The following RAD50 variants were observed in gnomAD, a reference collection of about 807,000 sequenced individuals.
RAD50 encodes RAD50 double strand break repair protein.
RAD50 carries 132 observed loss-of-function variants against 168.8 expected under a neutral mutation model. The observed-to-expected ratio is 0.78, with a 90% confidence interval of 0.68 to 0.90. The LOEUF (loss-of-function observed/expected upper bound fraction) is 0.90. RAD50 is among the 40% of genes least tolerant of loss of function. The pLI, the probability that RAD50 is intolerant of heterozygous loss-of-function variation, is 0.00. For synonymous variants in RAD50, 525 were observed against 497.4 expected, an observed-to-expected ratio of 1.06 and a Z score of -0.74; for missense variants, 1,347 against 1,534.4, an observed-to-expected ratio of 0.88 and a Z score of 2.04.
intron 21 of RAD50, 49 bp from the exon 22 acceptor site, chr5:132,637,066 A>C: frequency 7.0e-7 from 1 of 1,436,248 alleles, no homozygotes; most frequent in Non-Finnish European, 9.3e-7. Context: ...TTACTATTAC[A>C]CATAATTATT....
chr5:132,596,160 A>G (rs1750789092), intron 13 of RAD50, among the ~76,000 whole-genome samples: 1 of 151,992 alleles, frequency 6.6e-6, no homozygotes, highest in Non-Finnish European at 1.5e-5. Flanking sequence ...CGCCCAGCTA[A>G]TTTTTGTAAT....
chr5:132,562,204 TA>T (rs1379589570), intron 2 of RAD50, among the ~76,000 whole-genome samples: 1 of 152,212 alleles, frequency 6.6e-6, no homozygotes, highest in Non-Finnish European at 1.5e-5. Context: ...CCTTGGATTC[TA>T]GTCTTATTTA....
chr5:132,595,800 G>A lies in RAD50; in HGVS notation c.2197G>A (p.Val733Met), dbSNP rs1315534097. The A allele has an allele frequency of 1.9e-6, 3 of 1,603,656 alleles. No individual in the cohort carries two copies. Among genetic ancestry groups the A allele is most frequent in the African/African-American group, 2.7e-5 (2 of 74,698 alleles). ...EKRRDEMLGL[V>M]PMRQSIIDLK... is the part of the protein sequence containing the mutation. ...GCGGCGTGATGAAATGCTGGGACTT[G>A]TGCCCATGAGGTAAGAATGGGATTT... The change falls in exon 13 of 25, where the codon GTG becomes ATG. Residue 733 changes from valine to methionine, a missense_variant. By Grantham distance (21) the Val-to-Met change is conservative. Around this residue, in one of 3 missense-constraint regions of RAD50, gnomAD observed 635 missense variants for 739.2 expected, o/e 0.86. Coordinates refer to ENST00000378823, the MANE Select transcript of RAD50 (RefSeq NM_005732.4).
At position 132,609,107 on chromosome 5, in the gene RAD50, T is replaced by A. The variant is rs1191642980; in HGVS notation, c.2830-10T>A. 1 of 1,609,996 alleles carries A rather than the reference T, an allele frequency of 6.2e-7. No individual in the cohort carries two copies. Among genetic ancestry groups the A allele is most frequent in the Non-Finnish European group, 8.5e-7 (1 of 1,178,724 alleles). ...CAACCAGTGTAAATTTAATGAATATTTTTCTACAGCTGAATGATATTAAAG... is the reference window on the plus strand; with the variant it reads ...CAACCAGTGTAAATTTAATGAATATATTTCTACAGCTGAATGATATTAAAG... On this transcript the variant is annotated splice_polypyrimidine_tract_variant and intron_variant, in intron 17 of 24. Transcript: ENST00000378823.
intron 2 of RAD50, among the ~76,000 whole-genome samples, chr5:132,561,946 C>T (rs1476851713): frequency 6.6e-6 from 1 of 152,212 alleles, no homozygotes; most frequent in South Asian, 2.1e-4. Context: ...CTATTAGAAT[C>T]GTCTCCTAAC....
intron 2 of RAD50, among the ~76,000 whole-genome samples, chr5:132,562,266 G>C (rs1345915259): frequency 6.6e-6 from 1 of 152,204 alleles, no homozygotes; most frequent in African/African-American, 2.4e-5. Flanking sequence ...GACATGGTCT[G>C]ATTTATCTTT....
Position 132,575,906 on chromosome 5 carries a change from G to T in RAD50, c.343G>T (p.Glu115Ter). The T allele has an allele frequency of 6.2e-7, 1 of 1,610,892 alleles. No individual in the cohort carries two copies. The highest frequency in any genetic ancestry group is 8.5e-7 in the Non-Finnish European group (1 of 1,177,190). The change falls in exon 3 of 25, where the codon GAA becomes TAA. Residue 115 changes from glutamate (E) to a stop codon, truncating the protein, a stop_gained. Transcript: ENST00000378823. LOFTEE classifies it high-confidence loss of function. ...CAAAAAGACAGAATTTAAAACTCTG[G>T]AAGGAGTCATTACTAGAACAAAGTA... ...KSKKTEFKTL[E>*]GVITRTKHGE... is the part of the protein sequence containing the mutation.
intron 13 of RAD50, among the ~76,000 whole-genome samples, chr5:132,598,544 A>G (rs550661645): frequency 6.6e-6 from 1 of 152,336 alleles, no homozygotes; most frequent in Admixed American, 6.5e-5. Flanking sequence ...GACTGGGCTC[A>G]GCTAGGTGGC....
At chr5:132,573,687 C>T (rs905635133) in intron 2 of RAD50, among the ~76,000 whole-genome samples, 1 of 152,214 alleles carries the variant, frequency 6.6e-6, no homozygotes, top group Non-Finnish European at 1.5e-5. Context: ...GTCCCTTCTG[C>T]CTATGCGCCT....
intron 2 of RAD50, among the ~76,000 whole-genome samples, chr5:132,562,878 T>G (rs1750144974): frequency 6.6e-6 from 1 of 152,146 alleles, no homozygotes; most frequent in Non-Finnish European, 1.5e-5. Context: ...AAAGAGCAAT[T>G]CGTTAAGTAA....
chr5:132,632,952 C>T (rs915711161), intron 21 of RAD50, among the ~76,000 whole-genome samples: 6 of 152,224 alleles, frequency 3.9e-5, no homozygotes, highest in South Asian at 2.1e-4. Flanking sequence ...ATTACCTATT[C>T]ATATCTCTTT....
chr5:132,620,121 G>A (rs1751262108), intron 21 of RAD50, among the ~76,000 whole-genome samples: 1 of 151,690 alleles, frequency 6.6e-6, no homozygotes, highest in Non-Finnish European at 1.5e-5. Context: ...TAGCCAGGAT[G>A]GTCTCGATTT....
At chr5:132,634,938 G>A (rs977577667) in intron 21 of RAD50, among the ~76,000 whole-genome samples, 2 of 151,674 alleles carry the variant, frequency 1.3e-5, no homozygotes, top group Non-Finnish European at 2.9e-5. Context: ...ACTAAATTTC[G>A]TTTTATTTAG....
chr5:132,608,539 T>C (rs991551864), intron 16 of RAD50, 76 bp from the exon 17 acceptor site: 47 of 1,305,828 alleles, frequency 3.6e-5, no homozygotes, highest in Non-Finnish European at 4.7e-5. Flanking sequence ...AGTGCTTTTA[T>C]TAAGACTGTG....
At position 132,579,414 on chromosome 5, in the gene RAD50, A is replaced by G. The variant is rs375845724; in HGVS notation, c.463A>G (p.Ile155Val). The change falls in exon 4 of 25, where the codon ATT (isoleucine) becomes GTT (valine). Residue 155 changes from isoleucine (I) to valine (V), a missense_variant. Ile to Val is a conservative substitution (Grantham distance 29). Transcript: ENST00000378823. The stretch of plus-strand genomic sequence containing the variant: ...TTCCAAGGCTGTGCTAAATAATGTC[A>G]TTTTCTGTCATCAAGAAGATTCTAA... Reference protein sequence around the residue: ...GVSKAVLNNVIFCHQEDSNWP... With the variant: ...GVSKAVLNNVVFCHQEDSNWP... 8.1e-6 allele frequency: 13 copies of G among 1,613,688 alleles called. No homozygotes were observed. The highest frequency in any genetic ancestry group is 1.1e-5 in the Non-Finnish European group (13 of 1,179,766).
intron 3 of RAD50, among the ~76,000 whole-genome samples, chr5:132,577,133 A>G (rs140341494): frequency 7.0e-4 from 106 of 152,356 alleles, no homozygotes; most frequent in African/African-American, 2.4e-3. Flanking sequence ...TGGAGGCTCT[A>G]AGGGAGAATA....
chr5:132,621,102 AT>A (rs1422656263), intron 21 of RAD50, among the ~76,000 whole-genome samples: 1 of 152,108 alleles, frequency 6.6e-6, no homozygotes, highest in Non-Finnish European at 1.5e-5. Flanking sequence ...TTACTTTTTA[AT>A]TTTTAAATAC....
At position 132,588,018 on chromosome 5, in the gene RAD50, G is replaced by A. The variant is rs28903091; in HGVS notation, c.980G>A (p.Arg327His). 4,147 of 1,611,958 alleles carry A rather than the reference G, an allele frequency of 2.6e-3. 25 individuals are homozygous for A. Among genetic ancestry groups the A allele is most frequent in the Middle Eastern group, 8.3e-3 (50 of 6,058 alleles). The change falls in exon 7 of 25, where the codon CGT becomes CAT. Residue 327 changes from arginine to histidine, a missense_variant. Physicochemically the swap from Arg to His is conservative, Grantham distance 29. Around this residue, in one of 3 missense-constraint regions of RAD50, gnomAD observed 703 missense variants for 767.7 expected, o/e 0.92. Transcript: ENST00000378823. ...EKERKLVDCH[R>H]ELEKLNKESR... ...GAAAGGAAATTGGTAGACTGTCATC[G>A]TGAACTGGAAAAACTAAATAAAGAA...
chr5:132,603,844 A>G, intron 14 of RAD50, 76 bp from the exon 15 acceptor site: 9 of 1,288,418 alleles, frequency 7.0e-6, no homozygotes, highest in South Asian at 6.7e-5. Flanking sequence ...AATAAATGAT[A>G]AGAGCAATTA....
Sources: allele counts gnomAD v4.1 joint callset (sites outside exome capture counted in the v4.1 genomes callset), GRCh38; gene constraint gnomAD v4.1.1; regional missense constraint gnomAD v4.1.1; transcripts MANE v1.5; gene names NCBI Gene and HGNC (gene_info 2026-07-23, HGNC 2026-07-21).